Variants in CSRNP3 observed in about 807,000 individuals in gnomAD.
CSRNP3 encodes the protein cysteine and serine rich nuclear protein 3.
Under a neutral mutation model 48.0 loss-of-function variants are expected in CSRNP3, and 12 were observed. The ratio of observed to expected loss-of-function variants is 0.25; its 90% CI spans 0.16 to 0.41. The LOEUF (loss-of-function observed/expected upper bound fraction) is 0.41, where lower values mean the gene tolerates loss of function less well. Ranked by LOEUF, CSRNP3 falls within the 10% of genes least tolerant of loss-of-function variation. CSRNP3 has a pLI of 1.00. For synonymous variants in CSRNP3, 263 were observed against 269.7 expected (o/e 0.98, Z 0.24); for missense variants, 580 against 724.4 (o/e 0.80, Z 2.29).
chr2:165,559,250 C>A (rs562865212), intron 3 of CSRNP3, among the ~76,000 whole-genome samples: 1 of 152,198 alleles, frequency 6.6e-6, no homozygotes, highest in South Asian at 2.1e-4. Flanking sequence ...CTCTCTGGTA[C>A]TAGAAAAAGA....
intron 5 of CSRNP3, among the ~76,000 whole-genome samples, chr2:165,671,011 A>T (rs1395424152): frequency 6.6e-6 from 1 of 152,216 alleles, no homozygotes; most frequent in East Asian, 1.9e-4. Flanking sequence ...CTATCAACAG[A>T]CTAGCTTTTA....
intron 1 of CSRNP3, among the ~76,000 whole-genome samples, chr2:165,487,196 C>T (rs1274030125): frequency 7.8e-6 from 1 of 127,888 alleles, no homozygotes; most frequent in African/African-American, 3.2e-5. Context: ...AGGGTATCAG[C>T]AATGGAAGAT....
intron 4 of CSRNP3, among the ~76,000 whole-genome samples, chr2:165,623,615 G>A (rs1447572616): frequency 6.6e-6 from 1 of 152,164 alleles, no homozygotes; most frequent in Non-Finnish European, 1.5e-5. Flanking sequence ...TAACAGTGGG[G>A]ATCCTAGAAC....
chr2:165,535,158 AT>A (rs1684865142), intron 3 of CSRNP3, among the ~76,000 whole-genome samples: 2 of 151,846 alleles, frequency 1.3e-5, no homozygotes, highest in Non-Finnish European at 2.9e-5. Flanking sequence ...TTTTAGAGAT[AT>A]AGGTAAAATT....
At position 165,595,047 on chromosome 2, in the gene CSRNP3, A is replaced by G. The variant is rs758157548; in HGVS notation, c.-19A>G. 1.2e-6 allele frequency: 2 copies of G among 1,613,610 alleles called. No homozygotes were observed. The highest frequency in any genetic ancestry group is 1.1e-5 in the South Asian group (1 of 91,020). On this transcript the variant is annotated 5_prime_UTR_variant, in exon 4 of 7. It removes an upstream start codon present in the reference 5' UTR. Transcript: ENST00000651982. Reference sequence around the variant, plus strand: ...TTGCTCTCCTTCCTGTTACAGGTACATGTGACAGCACTGCAGCGATGAGTG... The same window carrying G: ...TTGCTCTCCTTCCTGTTACAGGTACGTGTGACAGCACTGCAGCGATGAGTG...
rs1291170889 is a variant in CSRNP3 at position 165,681,760 on chromosome 2, T to TATATATAC, written c.*2008_*2009insTATATACA. 275 of 44,652 alleles carry TATATATAC rather than the reference T, an allele frequency of 6.2e-3. 1 individual carries two copies. The highest frequency in any genetic ancestry group is 0.011 in the African/African-American group (185 of 16,372). The allele number at this position is 44,652 out of a possible 1,614,324, so 2.8% of individuals were successfully genotyped here. Reference sequence around the variant, plus strand: ...ATATATATATATATATATATATATATACACACACACACACACATACACATA... The same window carrying TATATATAC: ...ATATATATATATATATATATATATATATATATACACACACACACACACACATACACATA... On this transcript the variant is annotated 3_prime_UTR_variant, in exon 7 of 7. Transcript: ENST00000651982.
intron 3 of CSRNP3, among the ~76,000 whole-genome samples, chr2:165,572,970 T>A (rs1685394950): frequency 6.6e-6 from 1 of 152,266 alleles, no homozygotes; most frequent in East Asian, 1.9e-4. Flanking sequence ...TTGCAATAGT[T>A]TACATGTCTT....
rs995670978 is a variant in CSRNP3 at position 165,686,612 on chromosome 2, T to G, written c.*6859T>G. ...GGTGGTGGTTGTTGTTGTTGTTGTT[T>G]TTTAATTTATTTAGTGTTGATCCTT... is the stretch of plus-strand genomic sequence containing the variant. On this transcript the variant is annotated 3_prime_UTR_variant, in exon 7 of 7. Transcript: ENST00000651982. 7 of 151,596 alleles carry G rather than the reference T, an allele frequency of 4.6e-5. No homozygotes were observed. Among genetic ancestry groups the G allele is most frequent in the Admixed American group, 1.3e-4 (2 of 15,208 alleles). 9.4% of individuals were successfully genotyped at this position (151,596 alleles called of 1,614,324 possible).
chr2:165,618,482 G>T (rs961795077), intron 4 of CSRNP3, among the ~76,000 whole-genome samples: 1 of 152,190 alleles, frequency 6.6e-6, no homozygotes, highest in Non-Finnish European at 1.5e-5. Flanking sequence ...TACCCAAATA[G>T]TACTGTCATT....
chr2:165,672,891 G>T (rs2105360390), intron 5 of CSRNP3, among the ~76,000 whole-genome samples: 1 of 152,248 alleles, frequency 6.6e-6, no homozygotes, highest in South Asian at 2.1e-4. Context: ...CAAGGGGATA[G>T]CAGGGAATAG....
chr2:165,641,398 T>C (rs1471560544), intron 4 of CSRNP3, among the ~76,000 whole-genome samples: 1 of 152,208 alleles, frequency 6.6e-6, no homozygotes, highest in African/African-American at 2.4e-5. Flanking sequence ...AGGAAAGTAA[T>C]TAAATTCATT....
At chr2:165,496,476 A>G (rs1010390839) in intron 2 of CSRNP3, among the ~76,000 whole-genome samples, 1 of 151,988 alleles carries the variant, frequency 6.6e-6, no homozygotes, top group Non-Finnish European at 1.5e-5. Context: ...TATTGAGTGA[A>G]TGAATTATTT....
intron 4 of CSRNP3, among the ~76,000 whole-genome samples, chr2:165,642,148 G>A (rs1486652943): frequency 7.6e-6 from 1 of 131,586 alleles, no homozygotes; most frequent in Non-Finnish European, 1.6e-5. Flanking sequence ...ACACACACAC[G>A]GTATAATGTA....
Position 165,687,789 on chromosome 2 carries a change from A to T in CSRNP3, c.*8036A>T, listed in dbSNP as rs1044531382. 3.3e-5 allele frequency: 5 copies of T among 152,080 alleles called. No individual in the cohort carries two copies. The highest frequency in any genetic ancestry group is 1.2e-4 in the African/African-American group (5 of 41,428). The allele number at this position is 152,080 out of a possible 1,614,324, so 9.4% of individuals were successfully genotyped here. A position where few individuals can be genotyped will look rare whatever the true frequency, so the allele number is the denominator to read the frequency against. On this transcript the variant is annotated 3_prime_UTR_variant, in exon 7 of 7. Transcript: ENST00000651982. ...GAGAAATGGTGATTTTTCTGGTTAC[A>T]TCACTTGATTCAAGCACTCCCTGGA...
chr2:165,537,201 A>G (rs556703335), intron 3 of CSRNP3, among the ~76,000 whole-genome samples: 1 of 151,684 alleles, frequency 6.6e-6, no homozygotes, highest in East Asian at 1.9e-4. Context: ...TGTTACTGAC[A>G]CATTCAACTT....
intron 2 of CSRNP3, among the ~76,000 whole-genome samples, chr2:165,502,122 C>CCTA (rs2105466032): frequency 6.6e-6 from 1 of 151,990 alleles, no homozygotes; most frequent in Admixed American, 6.6e-5. Context: ...GTATACAGAA[C>CCTA]CTACATACTA....
At chr2:165,677,436 G>C (rs1269461144) in intron 6 of CSRNP3, among the ~76,000 whole-genome samples, 1 of 152,070 alleles carries the variant, frequency 6.6e-6, no homozygotes, top group South Asian at 2.1e-4. Context: ...CATTTATAAT[G>C]TCATTGGTGC....
chr2:165,545,764 T>C (rs1685016735), intron 3 of CSRNP3, among the ~76,000 whole-genome samples: 1 of 152,200 alleles, frequency 6.6e-6, no homozygotes, highest in African/African-American at 2.4e-5. Flanking sequence ...TTCCCTTTTA[T>C]TTGTGTTTCT....
At chr2:165,530,781 T>TTAC (rs984047550) in intron 3 of CSRNP3, among the ~76,000 whole-genome samples, 4 of 152,098 alleles carry the variant, frequency 2.6e-5, no homozygotes, top group Admixed American at 1.3e-4. Context: ...CAAATTTGTG[T>TTAC]TACTCTTGGA....
Sources: allele counts gnomAD v4.1 joint callset (sites outside exome capture counted in the v4.1 genomes callset), GRCh38; gene constraint gnomAD v4.1.1; transcripts MANE v1.5; gene names NCBI Gene and HGNC (gene_info 2026-07-23, HGNC 2026-07-21).